ANKFN1: variants seen among roughly 807,000 people sequenced by gnomAD.
The protein encoded by ANKFN1 is ankyrin repeat and fibronectin type-III domain-containing protein 1.
A neutral mutation model predicts 108.7 loss-of-function variants in ANKFN1; 74 were observed. That is an observed-to-expected ratio of 0.68 (90% CI 0.56 to 0.83). The LOEUF is 0.83. ANKFN1 is among the 40% of genes least tolerant of loss of function. ANKFN1 has a pLI of 0.00. For missense variants in ANKFN1, 1,505 were observed against 1,382.3 expected (o/e 1.09, Z -1.41); for synonymous variants, 547 against 516.2 (o/e 1.06, Z -0.81).
Position 56,457,364 on chromosome 17 carries a change from C to A in ANKFN1, c.1415C>A (p.Thr472Lys). 3 of 1,600,028 alleles carry A rather than the reference C, an allele frequency of 1.9e-6. No individual in the cohort carries two copies. The highest frequency in any genetic ancestry group is 2.5e-6 in the Non-Finnish European group (3 of 1,176,778). ...EIDDSHTSSI[T>K]QDFLWFTKLS... ...GATGACTCTCACACCAGTTCTATTA[C>A]ACAAGATTTTCTGTGGTTCACGAAG... The change falls in exon 13 of 21, where the codon ACA (threonine) becomes AAA (lysine). Residue 472 changes from threonine (T) to lysine (K), a missense_variant. By Grantham distance (78) the Thr-to-Lys change is moderately conservative (BLOSUM62 -1). Transcript: ENST00000682825.
At chr17:56,349,314 C>T (rs1233266769) in intron 4 of ANKFN1, among the ~76,000 whole-genome samples, 1 of 151,710 alleles carries the variant, frequency 6.6e-6, no homozygotes, top group East Asian at 1.9e-4. Flanking sequence ...ATAATCTGTG[C>T]AGCAAACCAC....
intron 8 of ANKFN1, among the ~76,000 whole-genome samples, chr17:56,386,445 C>T (rs904553738): frequency 2.6e-5 from 4 of 151,302 alleles, no homozygotes; most frequent in African/African-American, 7.3e-5. Flanking sequence ...ACATTGTGCA[C>T]ATGTACCCTA....
chr17:56,180,284 C>G (rs1212787048), intron 1 of ANKFN1, among the ~76,000 whole-genome samples: 1 of 152,180 alleles, frequency 6.6e-6, no homozygotes, highest in African/African-American at 2.4e-5. Context: ...ACCTGCCATT[C>G]TTTGTTCTAT....
At chr17:56,455,409 A>G (rs1412711073) in intron 11 of ANKFN1, among the ~76,000 whole-genome samples, 1 of 152,236 alleles carries the variant, frequency 6.6e-6, no homozygotes, top group East Asian at 1.9e-4. Context: ...TCTGCAAGGA[A>G]TAACCATTAC....
At chr17:56,415,009 G>C (rs1299918892) in intron 8 of ANKFN1, among the ~76,000 whole-genome samples, 1 of 151,820 alleles carries the variant, frequency 6.6e-6, no homozygotes, top group Admixed American at 6.6e-5. Context: ...GACAGAGTGA[G>C]ACTCTGTCTC....
At chr17:56,363,478 G>A (rs1031957367) in intron 6 of ANKFN1, among the ~76,000 whole-genome samples, 3 of 152,174 alleles carry the variant, frequency 2.0e-5, no homozygotes, top group Non-Finnish European at 2.9e-5. Context: ...TAGTGGGGAT[G>A]TAAATTAGCA....
chr17:56,103,193 G>C (rs567872330), intron 4 of ANKFN1, among the ~76,000 whole-genome samples: 1 of 152,118 alleles, frequency 6.6e-6, no homozygotes, highest in Non-Finnish European at 1.5e-5. Context: ...GGTAATGAGC[G>C]ACATGAAAAG....
intron 3 of ANKFN1, among the ~76,000 whole-genome samples, chr17:56,270,714 A>AT: frequency 6.6e-6 from 1 of 152,240 alleles, no homozygotes; most frequent in Non-Finnish European, 1.5e-5. Context: ...GATTCTCCTC[A>AT]TTCACTCTAC....
intron 4 of ANKFN1, among the ~76,000 whole-genome samples, chr17:56,072,849 GT>G (rs1905136142): frequency 6.6e-6 from 1 of 152,200 alleles, no homozygotes; most frequent in Non-Finnish European, 1.5e-5. Flanking sequence ...AAAGGAATAT[GT>G]GCAGTGGACA....
chr17:56,442,380 A>G (rs762601700), intron 9 of ANKFN1, among the ~76,000 whole-genome samples: 2 of 152,216 alleles, frequency 1.3e-5, no homozygotes. Flanking sequence ...CTCTGAAAAG[A>G]TATTTATTAT....
At chr17:56,359,027 C>A (rs1327589432) in intron 6 of ANKFN1, among the ~76,000 whole-genome samples, 2 of 152,128 alleles carry the variant, frequency 1.3e-5, no homozygotes, top group Non-Finnish European at 2.9e-5. Flanking sequence ...CATAAAGAAA[C>A]CAGCTCTTTT....
At chr17:56,259,586 C>T (rs890372767) in intron 3 of ANKFN1, among the ~76,000 whole-genome samples, 3 of 151,942 alleles carry the variant, frequency 2.0e-5, no homozygotes, top group Non-Finnish European at 4.4e-5. Context: ...TGACCATAAG[C>T]TACTATGAGA....
chr17:56,361,467 C>T (rs1386180317), intron 6 of ANKFN1, among the ~76,000 whole-genome samples: 1 of 152,010 alleles, frequency 6.6e-6, no homozygotes, highest in African/African-American at 2.4e-5. Flanking sequence ...TTTCTGGAGT[C>T]AGAGAGCTCT....
intron 8 of ANKFN1, among the ~76,000 whole-genome samples, chr17:56,405,805 C>T (rs563373973): frequency 3.3e-5 from 5 of 152,058 alleles, no homozygotes; most frequent in Non-Finnish European, 5.9e-5. Context: ...TAATATACTA[C>T]CTTTTGTGTA....
chr17:56,510,989 CCG>C lies in ANKFN1; in HGVS notation c.3162_3163del (p.Gly1055ProfsTer4). 1 of 1,535,958 alleles carries C rather than the reference CCG, an allele frequency of 6.5e-7. No homozygotes were observed. Among genetic ancestry groups the C allele is most frequent in the Non-Finnish European group, 8.7e-7 (1 of 1,146,838 alleles). On this transcript the variant is annotated frameshift_variant, in exon 21 of 21. Transcript: ENST00000682825. LOFTEE classifies it low-confidence loss of function (END_TRUNC). Reference sequence around the variant, plus strand: ...CAGGAGCCCAAGGAGGCCAAGCGGGCCGGCCCTGCCCTTGATGATCCCAGGGG... The same window carrying C: ...CAGGAGCCCAAGGAGGCCAAGCGGGCGCCCTGCCCTTGATGATCCCAGGGG...
intron 1 of ANKFN1, among the ~76,000 whole-genome samples, chr17:56,159,782 G>A (rs2143493767): frequency 6.6e-6 from 1 of 152,256 alleles, no homozygotes; most frequent in South Asian, 2.1e-4. Context: ...TTTGTTTGTT[G>A]GACAGAAAGA....
rs565198477 is a variant in ANKFN1 at position 56,355,388 on chromosome 17, G to A, written c.601+1342G>A. Among the ~76,000 whole-genome samples, 197 of 152,290 alleles carry A rather than the reference G, an allele frequency of 1.3e-3. 1 individual carries two copies. Among genetic ancestry groups the A allele is most frequent in the Non-Finnish European group, 1.9e-3 (132 of 68,024 alleles). On this transcript the variant is annotated intron_variant, in intron 6 of 20. Transcript: ENST00000682825. ...CGGCAGAGTGAATGGCAAATAGAAA[G>A]ATGCTGAGGCAGGCATGAATAAGAC...
At chr17:56,392,327 T>C (rs775945086) in intron 8 of ANKFN1, among the ~76,000 whole-genome samples, 2 of 152,172 alleles carry the variant, frequency 1.3e-5, no homozygotes, top group Non-Finnish European at 2.9e-5. Context: ...AACAAATGCA[T>C]GAATTGGTCT....
chr17:56,138,450 A>T (rs901683095), intron 4 of ANKFN1, among the ~76,000 whole-genome samples: 1 of 152,148 alleles, frequency 6.6e-6, no homozygotes, highest in Admixed American at 6.5e-5. Flanking sequence ...ACAGCTATCA[A>T]ACTGAACTGC....
Sources: gnomAD v4.1 joint callset for allele counts (sites outside exome capture counted in the v4.1 genomes callset) on GRCh38, gnomAD v4.1.1 for gene constraint, MANE v1.5 for transcripts, NCBI Gene and HGNC (gene_info 2026-07-23, HGNC 2026-07-21) for gene names.